The following MKLN1 variants were observed in gnomAD, a reference collection of about 807,000 sequenced individuals.
MKLN1 encodes muskelin 1, also known as muskelin.
In MKLN1, 18 loss-of-function variants were observed where a neutral mutation model predicts 99.0. The observed-to-expected ratio is 0.18, with a 90% CI of 0.13 to 0.27. The LOEUF is 0.27. MKLN1 is among the 10% of genes least tolerant of loss of function. MKLN1 has a pLI of 1.00. For synonymous variants in MKLN1, 288 were observed against 293.2 expected, an observed-to-expected ratio of 0.98 and a Z score of 0.18; for missense variants, 621 against 875.9, an observed-to-expected ratio of 0.71 and a Z score of 3.67.
intron 5 of MKLN1, 143 bp downstream of exon 5, chr7:131,397,519 G>T: frequency 1.8e-6 from 1 of 544,492 alleles, no homozygotes. Context: ...CTTCCAGTCT[G>T]CCAGCTTTTA....
intron 2 of MKLN1, among the ~76,000 whole-genome samples, chr7:131,183,318 C>G (rs767177693): frequency 7.2e-5 from 11 of 152,148 alleles, no homozygotes; most frequent in Non-Finnish European, 1.6e-4. Flanking sequence ...AACTCTGAGA[C>G]TTAAGTGCTT....
chr7:131,179,075 T>C (rs1395685356), intron 2 of MKLN1, among the ~76,000 whole-genome samples: 1 of 152,232 alleles, frequency 6.6e-6, no homozygotes, highest in African/African-American at 2.4e-5. Context: ...TATAAATAAA[T>C]ACCTTTCTTG....
intron 3 of MKLN1, among the ~76,000 whole-genome samples, chr7:131,245,520 G>A (rs1353230758): frequency 6.6e-6 from 1 of 152,036 alleles, no homozygotes; most frequent in East Asian, 1.9e-4. Context: ...CGCGCCCCCC[G>A]CCCCCGGCCT....
At chr7:131,433,639 A>C (rs914898397) in intron 9 of MKLN1, among the ~76,000 whole-genome samples, 1 of 152,288 alleles carries the variant, frequency 6.6e-6, no homozygotes, top group African/African-American at 2.4e-5. Flanking sequence ...CCTTGGCCAA[A>C]AATCAATTGA....
intron 1 of MKLN1, among the ~76,000 whole-genome samples, chr7:131,119,079 A>G (rs964806017): frequency 6.6e-6 from 1 of 152,230 alleles, no homozygotes; most frequent in Non-Finnish European, 1.5e-5. Flanking sequence ...GAGACAATGC[A>G]AGTTTCTTCT....
intron 1 of MKLN1, among the ~76,000 whole-genome samples, chr7:131,111,512 A>G (rs995786345): frequency 4.0e-4 from 61 of 152,208 alleles, no homozygotes; most frequent in African/African-American, 1.3e-3. Context: ...ACATTATCAA[A>G]CTGATCCTCT....
intron 15 of MKLN1, among the ~76,000 whole-genome samples, chr7:131,467,269 G>A (rs1032229149): frequency 7.2e-5 from 11 of 152,052 alleles, no homozygotes; most frequent in African/African-American, 1.9e-4. Flanking sequence ...ATATACATAC[G>A]TATCAATGAA....
chr7:131,256,150 C>G (rs961607565), intron 3 of MKLN1, among the ~76,000 whole-genome samples: 2 of 152,088 alleles, frequency 1.3e-5, no homozygotes, highest in African/African-American at 4.8e-5. Flanking sequence ...AGGTGATCCA[C>G]CCACCTCGGC....
chr7:131,473,531 T>A (rs1796885669), intron 16 of MKLN1, among the ~76,000 whole-genome samples: 1 of 152,170 alleles, frequency 6.6e-6, no homozygotes. Context: ...TAAAAAATGA[T>A]ATTTTTTTCT....
In MKLN1 at chr7:131,439,055, A is replaced by G. The variant is rs1201861943; in HGVS notation, c.1173+1058A>G. Among the ~76,000 whole-genome samples the G allele has an allele frequency of 2.0e-5, 3 of 152,158 alleles. No homozygotes were observed. The East Asian group carries it at 5.8e-4, about 29-fold the overall frequency. The stretch of plus-strand genomic sequence containing the variant: ...AAAATCAAAACTAGTATTCTTGGAA[A>G]TACTCCCCAGCTTAAATTTGGAACT... On this transcript the variant is annotated intron_variant, in intron 10 of 17. Transcript: ENST00000352689.
chr7:131,414,290 T>G (rs1794956215), intron 7 of MKLN1, among the ~76,000 whole-genome samples: 1 of 152,222 alleles, frequency 6.6e-6, no homozygotes, highest in Admixed American at 6.5e-5. Context: ...ACGGGAGATC[T>G]AATTTTGTAA....
At chr7:131,430,083 T>C (rs972319204) in intron 9 of MKLN1, among the ~76,000 whole-genome samples, 14 of 152,174 alleles carry the variant, frequency 9.2e-5, no homozygotes, top group African/African-American at 3.1e-4. Context: ...TTAATTGCAC[T>C]CTCCATTTAA....
chr7:131,393,465 C>T (rs922977417), intron 4 of MKLN1, among the ~76,000 whole-genome samples: 6 of 152,076 alleles, frequency 3.9e-5, no homozygotes, highest in Admixed American at 3.3e-4. Context: ...TATATATGCC[C>T]ATTGGCAAGA....
intron 2 of MKLN1, 93 bp from the exon 3 acceptor site, chr7:131,387,027 T>C (rs1433577569): frequency 8.4e-7 from 1 of 1,194,990 alleles, no homozygotes; most frequent in African/African-American, 1.5e-5. Flanking sequence ...GGATGGACCT[T>C]ATACATTCTT....
chr7:131,358,946 T>C (rs145131046), intron 1 of MKLN1, among the ~76,000 whole-genome samples: 2 of 152,288 alleles, frequency 1.3e-5, no homozygotes, highest in East Asian at 1.9e-4. Flanking sequence ...TCAGTTTTAT[T>C]GGTCTTTTCA....
chr7:131,189,517 T>C (rs1796502543), intron 2 of MKLN1, among the ~76,000 whole-genome samples: 1 of 123,472 alleles, frequency 8.1e-6, no homozygotes, highest in Non-Finnish European at 1.7e-5. Context: ...CTAGAAGTTT[T>C]TTATATTAAA....
intron 1 of MKLN1, among the ~76,000 whole-genome samples, chr7:131,142,367 C>T (rs1382236616): frequency 2.0e-5 from 3 of 150,392 alleles, no homozygotes; most frequent in South Asian, 2.1e-4. Flanking sequence ...GCCAAGATCG[C>T]GCCACTGTAC....
At chr7:131,465,079 G>A (rs1183507243) in intron 14 of MKLN1, among the ~76,000 whole-genome samples, 2 of 151,770 alleles carry the variant, frequency 1.3e-5, no homozygotes, top group Non-Finnish European at 2.9e-5. Flanking sequence ...GTGAGTAAAA[G>A]CCCTTTCTTT....
intron 1 of MKLN1, among the ~76,000 whole-genome samples, chr7:131,336,183 T>G (rs1232317675): frequency 6.6e-6 from 1 of 152,086 alleles, no homozygotes; most frequent in Non-Finnish European, 1.5e-5. Flanking sequence ...CATTGGCTCT[T>G]TATCATTATA....
Sources: gnomAD v4.1 joint callset for allele counts (sites outside exome capture counted in the v4.1 genomes callset) on GRCh38, gnomAD v4.1.1 for gene constraint, MANE v1.5 for transcripts, NCBI Gene and HGNC (gene_info 2026-07-23, HGNC 2026-07-21) for gene names.